The following SSU72 variants were observed in gnomAD, a reference collection of about 807,000 sequenced individuals.
SSU72 encodes RNA polymerase II subunit A C-terminal domain phosphatase SSU72.
SSU72 carries 12 observed loss-of-function variants against 22.7 expected under a neutral mutation model. The observed-to-expected ratio is 0.53, with a 90% CI of 0.34 to 0.86. The LOEUF (loss-of-function observed/expected upper bound fraction) is 0.86. Among genes scored for constraint, SSU72 ranks in the 40% least tolerant of loss-of-function variants. SSU72 has a pLI of 0.02. For synonymous variants in SSU72, 116 were observed against 98.3 expected (o/e 1.18, Z -1.06); for missense variants, 151 against 249.8 (o/e 0.60, Z 2.67).
At chr1:1,545,074 G>A in intron 2 of SSU72, 72 bp from the exon 3 acceptor site, 1 of 1,553,200 alleles carries the variant, frequency 6.4e-7, no homozygotes, top group Non-Finnish European at 8.7e-7. Context: ...CTGTGTCCTG[G>A]ACACCCAGCC....
chr1:1,566,465 C>A lies in SSU72; in HGVS notation c.81-1549G>T, dbSNP rs569787428. Among the ~76,000 whole-genome samples the A allele has an allele frequency of 8.7e-4, 132 of 152,362 alleles. 1 individual carries two copies. The highest frequency in any genetic ancestry group is 3.4e-4 in the Non-Finnish European group (23 of 68,042). ...TTCCATTAACACTAAACTCCTCTTA[C>A]AGGCCTGTCATTCTTGTTCAGAAAA... is the stretch of plus-strand genomic sequence containing the variant. On this transcript the variant is annotated intron_variant, in intron 1 of 4. Transcript: ENST00000291386.
At position 1,543,879 on chromosome 1, in the gene SSU72, A is replaced by G. The variant is rs750379217; in HGVS notation, c.473T>C (p.Leu158Pro). 6.2e-7 allele frequency: 1 copy of G among 1,613,354 alleles called. No individual in the cohort carries two copies. Among genetic ancestry groups the G allele is most frequent in the Non-Finnish European group, 8.5e-7 (1 of 1,179,678 alleles). The change falls in exon 4 of 5, where the codon CTC becomes CCC. Residue 158 changes from leucine to proline, a missense_variant. Leu to Pro is a moderately conservative substitution (Grantham distance 98). Coordinates refer to ENST00000291386, the MANE Select transcript of SSU72 (RefSeq NM_014188.3). ...CAGCCGGGTACTTACACACTGGCAG[A>G]GCTCACAGATGAGAAACGCCCCCAG... is the stretch of plus-strand genomic sequence containing the variant. ...ATLGAFLICE[L>P]CQCIQHTEDM...
At chr1:1,560,197 C>CT (rs1210670886) in intron 2 of SSU72, among the ~76,000 whole-genome samples, 4 of 151,926 alleles carry the variant, frequency 2.6e-5, no homozygotes, top group Non-Finnish European at 5.9e-5. Flanking sequence ...GTGGATGAAA[C>CT]TTTTTTAACA....
chr1:1,554,208 C>T lies in SSU72; in HGVS notation c.225-9206G>A, dbSNP rs528954180. Among the ~76,000 whole-genome samples the T allele has an allele frequency of 4.9e-5, 7 of 143,672 alleles. No homozygotes were observed. In the South Asian group the frequency reaches 6.3e-4, roughly 13 times the overall value. The allele number at this position is 143,672 out of a possible 152,430, so 94.3% of individuals were successfully genotyped here. A position where few individuals can be genotyped will look rare whatever the true frequency, so the allele number is the denominator to read the frequency against. On this transcript the variant is annotated intron_variant, in intron 2 of 4. Transcript: ENST00000291386. The surrounding 1 kb of genome is among the most constrained non-coding windows in gnomAD (Gnocchi z 4.1). ...CACGAAGCTGAGCACGAGGCGGATC[C>T]GGACCACTAAGGGGTCCCCACGAAG...
At chr1:1,564,575 C>T (rs1553132224) in intron 2 of SSU72, 198 bp downstream of exon 2, 14 of 1,597,328 alleles carry the variant, frequency 8.8e-6, no homozygotes, top group Non-Finnish European at 1.0e-5. Flanking sequence ...CCTCACCACG[C>T]CTACTGCCAT....
intron 2 of SSU72, among the ~76,000 whole-genome samples, chr1:1,555,722 G>A (rs1642513141): frequency 6.6e-6 from 1 of 152,208 alleles, no homozygotes; most frequent in South Asian, 2.1e-4. Context: ...TCTGGGCCGG[G>A]CACAGTGGCT....
At chr1:1,558,449 TA>T (rs1642546911) in intron 2 of SSU72, among the ~76,000 whole-genome samples, 1 of 151,982 alleles carries the variant, frequency 6.6e-6, no homozygotes, top group African/African-American at 2.4e-5. Flanking sequence ...ACAAGAGAGG[TA>T]CAAACAGTAT....
intron 2 of SSU72, among the ~76,000 whole-genome samples, chr1:1,546,822 G>A (rs1043532134): frequency 7.6e-6 from 1 of 132,168 alleles, no homozygotes; most frequent in African/African-American, 3.0e-5. Flanking sequence ...CGGCCTGGGC[G>A]ACAGAGTAAA....
At chr1:1,555,286 T>TGG (rs1424022963) in intron 2 of SSU72, among the ~76,000 whole-genome samples, 1 of 152,338 alleles carries the variant, frequency 6.6e-6, no homozygotes. Flanking sequence ...TCTGTGCTCC[T>TGG]GGTGCATGGC....
At chr1:1,561,821 A>C (rs3766169) in intron 2 of SSU72, 75,323 of 152,022 alleles carry the variant, frequency 0.5, 23,412 homozygotes, top group East Asian at 0.87. Context: ...CTCCTCCTAG[A>C]GCCTCCTGAG....
At chr1:1,564,365 G>A in intron 2 of SSU72, 2 of 1,110,570 alleles carry the variant, frequency 1.8e-6, no homozygotes, top group Non-Finnish European at 2.5e-6. Context: ...GTGTGAAGCA[G>A]CCCGGCTCCA....
At chr1:1,549,454 A>T (rs556115019) in intron 2 of SSU72, among the ~76,000 whole-genome samples, 95 of 151,096 alleles carry the variant, frequency 6.3e-4, no homozygotes, top group Non-Finnish European at 1.1e-3. Context: ...CCGGAGGCGG[A>T]GCTTGCAGTG....
chr1:1,547,477 CGAG>C (rs1642403753), intron 2 of SSU72, among the ~76,000 whole-genome samples: 1 of 152,222 alleles, frequency 6.6e-6, no homozygotes, highest in Admixed American at 6.5e-5. Flanking sequence ...GATCTCCTGG[CGAG>C]GAGATGCGAG....
At chr1:1,570,388 G>C (rs935348332) in intron 1 of SSU72, among the ~76,000 whole-genome samples, 7 of 151,468 alleles carry the variant, frequency 4.6e-5, no homozygotes, top group African/African-American at 1.7e-4. Context: ...CTGCCGACCA[G>C]AGGCCAGGAG....
At chr1:1,573,819 T>G (rs1343665791) in intron 1 of SSU72, among the ~76,000 whole-genome samples, 1 of 152,172 alleles carries the variant, frequency 6.6e-6, no homozygotes, top group Non-Finnish European at 1.5e-5. Flanking sequence ...GTAAGTCAAG[T>G]GGTCAGTTTC....
At chr1:1,564,131 A>G (rs1416043157) in intron 2 of SSU72, 1 of 166,706 alleles carries the variant, frequency 6.0e-6, no homozygotes, top group Non-Finnish European at 1.3e-5. Flanking sequence ...ATGCCTGGTC[A>G]AAAACCCGGG....
chr1:1,572,468 T>C (rs932735376), intron 1 of SSU72, among the ~76,000 whole-genome samples: 1 of 150,818 alleles, frequency 6.6e-6, no homozygotes, highest in African/African-American at 2.4e-5. Context: ...TATTTATGTA[T>C]TTATTTGAGA....
At chr1:1,547,750 C>T (rs952403061) in intron 2 of SSU72, among the ~76,000 whole-genome samples, 5 of 152,150 alleles carry the variant, frequency 3.3e-5, no homozygotes, top group Admixed American at 1.3e-4. Context: ...GAGCAGGTTT[C>T]GGGCCTGCGT....
chr1:1,557,770 C>G (rs564152357), intron 2 of SSU72, among the ~76,000 whole-genome samples: 3 of 152,238 alleles, frequency 2.0e-5, no homozygotes, highest in Admixed American at 2.0e-4. Context: ...TGCACTCCAG[C>G]AGGGGTGACA....
Sources: allele counts gnomAD v4.1 joint callset (sites outside exome capture counted in the v4.1 genomes callset), GRCh38; gene constraint gnomAD v4.1.1; non-coding constraint Gnocchi (gnomAD v3.1); transcripts MANE v1.5; gene names NCBI Gene and HGNC (gene_info 2026-07-23, HGNC 2026-07-21).